PDE4D: variants seen among roughly 807,000 people sequenced by gnomAD.
The protein encoded by PDE4D is phosphodiesterase 4D, also known as 3',5'-cyclic-AMP phosphodiesterase 4D.
A neutral mutation model predicts 87.4 loss-of-function variants in PDE4D; 24 were observed. That is an observed-to-expected ratio of 0.27 (90% CI 0.20 to 0.39). PDE4D has a LOEUF of 0.39. PDE4D is among the 10% of genes least tolerant of loss of function. The pLI is 1.00. For missense variants in PDE4D, 714 were observed against 1,041.0 expected, an observed-to-expected ratio of 0.69 and a Z score of 4.32; for synonymous variants, 384 against 383.2, an observed-to-expected ratio of 1.00 and a Z score of -0.02.
chr5:59,476,071 G>A (rs886305623), intron 1 of PDE4D, among the ~76,000 whole-genome samples: 2 of 152,002 alleles, frequency 1.3e-5, no homozygotes, highest in African/African-American at 2.4e-5. Context: ...TCAGAAGCAC[G>A]AGTTTCCTCC....
At chr5:59,462,613 G>T (rs1350210513) in intron 1 of PDE4D, among the ~76,000 whole-genome samples, 1 of 152,142 alleles carries the variant, frequency 6.6e-6, no homozygotes, top group Non-Finnish European at 1.5e-5. Flanking sequence ...GGCCACAGAT[G>T]GAGGGCCCTT....
At chr5:60,089,162 A>T (rs1336206677) in intron 2 of PDE4D, among the ~76,000 whole-genome samples, 2 of 152,048 alleles carry the variant, frequency 1.3e-5, no homozygotes, top group Non-Finnish European at 2.9e-5. Flanking sequence ...AAGAAACATC[A>T]GAATTAAACT....
chr5:59,690,924 CT>C (rs1242257578), intron 1 of PDE4D, among the ~76,000 whole-genome samples: 1 of 152,158 alleles, frequency 6.6e-6, no homozygotes, highest in Non-Finnish European at 1.5e-5. Flanking sequence ...TGAACAGACA[CT>C]TCTCAAAAGA....
chr5:59,831,880 A>G (rs1290606828), intron 1 of PDE4D, among the ~76,000 whole-genome samples: 1 of 152,096 alleles, frequency 6.6e-6, no homozygotes, highest in Non-Finnish European at 1.5e-5. Context: ...AAGAGCTTTG[A>G]CTATGAAAGC....
At chr5:60,317,989 GA>G (rs1755802712) in intron 1 of PDE4D, among the ~76,000 whole-genome samples, 1 of 152,216 alleles carries the variant, frequency 6.6e-6, no homozygotes, top group Non-Finnish European at 1.5e-5. Flanking sequence ...GAGTTCTGTA[GA>G]TGTCTATTAG....
chr5:59,357,912 C>T (rs1018313530), intron 1 of PDE4D, among the ~76,000 whole-genome samples: 5 of 152,128 alleles, frequency 3.3e-5, no homozygotes, highest in Non-Finnish European at 7.4e-5. Flanking sequence ...CAAGGGAGAG[C>T]GCCACTTCTT....
intron 1 of PDE4D, among the ~76,000 whole-genome samples, chr5:59,699,684 A>G (rs527598874): frequency 6.6e-6 from 1 of 152,326 alleles, no homozygotes; most frequent in South Asian, 2.1e-4. Context: ...TCAAAGATCA[A>G]TGGAACCTTT....
At position 60,321,328 on chromosome 5, in the gene PDE4D, G is replaced by A. The variant is rs541876678; in HGVS notation, c.-89-135641C>T. On this transcript the variant is annotated intron_variant, in intron 1 of 16. Coordinates refer to the PDE4D transcript ENST00000502484. Reference sequence around the variant, plus strand: ...TTCCCTGTTCAATAAATGGTGCTAGGATAACTAACTAGCCAAATGCAGATT... The same window carrying A: ...TTCCCTGTTCAATAAATGGTGCTAGAATAACTAACTAGCCAAATGCAGATT... 2.0e-5 allele frequency among the ~76,000 whole-genome samples: 3 copies of A among 152,270 alleles called. No individual in the cohort carries two copies. The South Asian group carries it at 6.2e-4, about 32-fold the overall frequency.
intron 1 of PDE4D, among the ~76,000 whole-genome samples, chr5:60,388,256 A>G (rs1762328911): frequency 6.6e-6 from 1 of 152,148 alleles, no homozygotes; most frequent in Admixed American, 6.5e-5. Context: ...CAAAAAGTGC[A>G]TGATCTAAAC....
chr5:60,032,679 T>A (rs1767367503), intron 2 of PDE4D: 1 of 152,168 alleles, frequency 6.6e-6, no homozygotes, highest in Non-Finnish European at 1.5e-5. Flanking sequence ...AAGGTAGTTG[T>A]AAGAATTAAA....
intron 1 of PDE4D, among the ~76,000 whole-genome samples, chr5:60,376,238 A>G (rs1365691096): frequency 6.6e-6 from 1 of 152,198 alleles, no homozygotes; most frequent in African/African-American, 2.4e-5. Flanking sequence ...CTGAGCACTA[A>G]ATGGTGATAA....
chr5:60,461,927 A>T (rs1055685387), intron 1 of PDE4D, among the ~76,000 whole-genome samples: 15 of 152,182 alleles, frequency 9.9e-5, no homozygotes, highest in Non-Finnish European at 1.9e-4. Context: ...AACGTTCTTA[A>T]CCCAAACACT....
intron 1 of PDE4D, among the ~76,000 whole-genome samples, chr5:59,791,939 G>T (rs1237408384): frequency 2.0e-5 from 3 of 152,134 alleles, no homozygotes; most frequent in Admixed American, 6.5e-5. Context: ...ACTGCCCTGG[G>T]TACTCTGACT....
At chr5:59,507,679 A>AAAAAAAAAAGAAAAGAAAAG (rs61334148) in intron 1 of PDE4D, among the ~76,000 whole-genome samples, 1 of 118,710 alleles carries the variant, frequency 8.4e-6, no homozygotes, top group Non-Finnish European at 1.7e-5. Flanking sequence ...AAAAAAAAAA[A>AAAAAAAAAAGAAAAGAAAAG]AAAAGAAAAG....
At chr5:59,879,498 T>C (rs16890343) in intron 1 of PDE4D, among the ~76,000 whole-genome samples, 3,919 of 152,360 alleles carry the variant, frequency 0.026, 164 homozygotes, top group African/African-American at 0.09. Context: ...TCTGTTAAAC[T>C]ACTAGTGCAC....
At chr5:60,195,288 A>C (rs1007757719) in intron 1 of PDE4D, among the ~76,000 whole-genome samples, 9 of 151,554 alleles carry the variant, frequency 5.9e-5, no homozygotes, top group African/African-American at 1.9e-4. Flanking sequence ...ATTACATCAA[A>C]ATGATCTGTT....
chr5:59,618,572 A>C (rs564671372), intron 1 of PDE4D, among the ~76,000 whole-genome samples: 1 of 152,266 alleles, frequency 6.6e-6, no homozygotes, highest in African/African-American at 2.4e-5. Flanking sequence ...ATATTATCAT[A>C]TTTATCCTCT....
intron 1 of PDE4D, among the ~76,000 whole-genome samples, chr5:60,480,396 T>G (rs1170326621): frequency 6.6e-6 from 1 of 152,090 alleles, no homozygotes; most frequent in African/African-American, 2.4e-5. Context: ...GTAAAGCATT[T>G]TACGTATATT....
intron 1 of PDE4D, among the ~76,000 whole-genome samples, chr5:59,546,547 G>C (rs1273332667): frequency 6.6e-6 from 1 of 151,952 alleles, no homozygotes; most frequent in African/African-American, 2.4e-5. Flanking sequence ...ATATATGATG[G>C]GTATGAATAG....
Sources: allele counts gnomAD v4.1 joint callset (sites outside exome capture counted in the v4.1 genomes callset), GRCh38; gene constraint gnomAD v4.1.1; transcripts MANE v1.5; gene names NCBI Gene and HGNC (gene_info 2026-07-23, HGNC 2026-07-21).